Variants in AGAP1 observed in about 807,000 individuals in gnomAD.
AGAP1 encodes arf-GAP with GTPase, ANK repeat and PH domain-containing protein 1.
AGAP1 carries 29 observed loss-of-function variants against 105.3 expected under a neutral mutation model. The observed-to-expected ratio is 0.28, with a 90% CI of 0.21 to 0.38. The LOEUF is 0.38. Ranked by LOEUF, AGAP1 falls within the 10% of genes least tolerant of loss-of-function variation. The pLI, the probability that AGAP1 is intolerant of heterozygous loss-of-function variation, is 1.00. For synonymous variants in AGAP1, 509 were observed against 485.9 expected (o/e 1.05, Z -0.63); for missense variants, 998 against 1,165.1 (o/e 0.86, Z 2.09).
chr2:235,936,364 T>C lies in AGAP1; in HGVS notation c.1483+5441T>C, dbSNP rs934842885. Among the ~76,000 whole-genome samples, 1 of 152,220 alleles carries C rather than the reference T, an allele frequency of 6.6e-6. No individual in the cohort carries two copies. Among genetic ancestry groups the C allele is most frequent in the Non-Finnish European group, 1.5e-5 (1 of 68,038 alleles). On this transcript the variant is annotated intron_variant, in intron 12 of 17. Coordinates refer to ENST00000304032, the MANE Select transcript of AGAP1 (RefSeq NM_001037131.3). The surrounding 1 kb of genome is among the most constrained non-coding windows in gnomAD (Gnocchi z 4.7). ...TCTGGCCACGTAATCATTATATCTT[T>C]CCAGTAGACTCTGTGGTTATAAAGC...
Position 235,724,646 on chromosome 2 carries a change from A to AC in AGAP1, c.310+7004dup, listed in dbSNP as rs1322240562. Reference sequence around the variant, plus strand: ...AAAACAGATAAGGGAGACTGAAGAAACCTGAACATCCAGTGCTCATGAGGA... The same window carrying AC: ...AAAACAGATAAGGGAGACTGAAGAAACCCTGAACATCCAGTGCTCATGAGGA... On this transcript the variant is annotated intron_variant, in intron 3 of 17. Transcript: ENST00000304032. The surrounding 1 kb of genome is among the most constrained non-coding windows in gnomAD (Gnocchi z 4.9). Among the ~76,000 whole-genome samples, 3 of 152,124 alleles carry AC rather than the reference A, an allele frequency of 2.0e-5. No homozygotes were observed. The highest frequency in any genetic ancestry group is 2.9e-5 in the Non-Finnish European group (2 of 68,028).
Position 235,622,658 on chromosome 2 carries a change from G to T in AGAP1, c.164-86521G>T, listed in dbSNP as rs1170828845. 3.3e-5 allele frequency among the ~76,000 whole-genome samples: 5 copies of T among 152,160 alleles called. No individual in the cohort carries two copies. The highest frequency in any genetic ancestry group is 7.3e-5 in the Non-Finnish European group (5 of 68,044). ...GAAATTGGGAGCCCTGGCTGGATCA[G>T]AAGCACATGGTTCAGTGGACACTGT... On this transcript the variant is annotated intron_variant, in intron 1 of 17. Transcript: ENST00000304032. This position sits in a 1 kb window ranked among gnomAD's most constrained non-coding sequence, Gnocchi z 5.0.
chr2:235,586,430 C>A lies in AGAP1; in HGVS notation c.163+91581C>A, dbSNP rs905836216. The stretch of plus-strand genomic sequence containing the variant: ...TGTGACCTCCCCAAATACTCGGACT[C>A]CCCTGTGGAAGGCAAGGTGGAGGCA... On this transcript the variant is annotated intron_variant, in intron 1 of 17. Coordinates refer to ENST00000304032, the MANE Select transcript of AGAP1 (RefSeq NM_001037131.3). The surrounding 1 kb of genome is among the most constrained non-coding windows in gnomAD (Gnocchi z 4.2). Among the ~76,000 whole-genome samples the A allele has an allele frequency of 1.3e-5, 2 of 152,210 alleles. No individual in the cohort carries two copies. The highest frequency in any genetic ancestry group is 1.3e-4 in the Admixed American group (2 of 15,286).
chr2:235,841,561 T>C (rs1960845283), intron 9 of AGAP1, among the ~76,000 whole-genome samples: 1 of 152,042 alleles, frequency 6.6e-6, no homozygotes, highest in African/African-American at 2.4e-5. Flanking sequence ...CCTAGGGAGG[T>C]TGAGGCTGCA....
intron 16 of AGAP1, among the ~76,000 whole-genome samples, chr2:236,086,385 C>A (rs565291334): frequency 6.6e-6 from 1 of 152,250 alleles, no homozygotes; most frequent in Non-Finnish European, 1.5e-5. Flanking sequence ...CCTTACTGCT[C>A]AAGTGTAGTT....
chr2:236,048,626 T>C (rs1224455798), intron 15 of AGAP1, among the ~76,000 whole-genome samples: 1 of 152,236 alleles, frequency 6.6e-6, no homozygotes, highest in Non-Finnish European at 1.5e-5. Flanking sequence ...AATGAAGGAA[T>C]GACCAGAGTC....
intron 11 of AGAP1, among the ~76,000 whole-genome samples, chr2:235,929,179 G>A (rs1158485376): frequency 2.6e-5 from 4 of 152,216 alleles, no homozygotes; most frequent in Admixed American, 6.5e-5. Context: ...TGCCGTGGTG[G>A]AGTTTTGATT....
chr2:235,925,409 G>T (rs1484529864), intron 11 of AGAP1, among the ~76,000 whole-genome samples: 1 of 152,106 alleles, frequency 6.6e-6, no homozygotes, highest in Admixed American at 6.5e-5. Context: ...GCTGTGTGTT[G>T]AGGTGGTCCC....
chr2:235,671,178 C>A (rs1257694059), intron 1 of AGAP1: 6 of 1,101,584 alleles, frequency 5.4e-6, no homozygotes, highest in East Asian at 6.6e-5. Context: ...TCGAGGGATG[C>A]GAACTCGGGT....
rs117480599 is a variant in AGAP1, at chr2:235,755,151, G to A, written c.673+4663G>A. Among the ~76,000 whole-genome samples the A allele has an allele frequency of 4.9e-4, 75 of 152,320 alleles. No individual in the cohort carries two copies. The East Asian group carries it at 0.012, about 24-fold the overall frequency. Reference sequence around the variant, plus strand: ...CTTGGCAGCTGGGGGCTGCAGGTCCGTCTGCAGGGACTGCACAGGGCTCTC... The same window carrying A: ...CTTGGCAGCTGGGGGCTGCAGGTCCATCTGCAGGGACTGCACAGGGCTCTC... On this transcript the variant is annotated intron_variant, in intron 6 of 17. Transcript: ENST00000304032.
intron 1 of AGAP1, among the ~76,000 whole-genome samples, chr2:235,671,346 G>T (rs1948413731): frequency 1.3e-5 from 2 of 152,190 alleles, no homozygotes; most frequent in Non-Finnish European, 2.9e-5. Flanking sequence ...CCTCCTTCGC[G>T]TGCTCGCTGG....
intron 9 of AGAP1, among the ~76,000 whole-genome samples, chr2:235,880,576 CAA>C (rs57466604): frequency 0.045 from 6,373 of 142,342 alleles, 352 homozygotes; most frequent in African/African-American, 0.13. Context: ...ACTAAAAATA[CAA>C]AAAAAAAAAA....
intron 9 of AGAP1, chr2:235,852,746 C>G (rs1015040193): frequency 9.7e-6 from 15 of 1,539,706 alleles, no homozygotes; most frequent in African/African-American, 2.7e-5. Flanking sequence ...TGCTGGAGCC[C>G]GTGCCCGTCA....
chr2:235,833,571 A>C (rs1439885482), intron 9 of AGAP1, among the ~76,000 whole-genome samples: 1 of 149,978 alleles, frequency 6.7e-6, no homozygotes. Context: ...TGCTAATGTC[A>C]CTCTGGATCC....
rs1950902370 is a variant in AGAP1, at chr2:235,712,454, A to C, written c.222+3217A>C. On this transcript the variant is annotated intron_variant, in intron 2 of 17. Transcript: ENST00000304032. The surrounding 1 kb of genome is among the most constrained non-coding windows in gnomAD (Gnocchi z 6.0). ...TGATGCTTCTGTCAGAGGGGAAGGCACATAGGCTCTGGACATCTTGCCTGT... is the reference window on the plus strand; with the variant it reads ...TGATGCTTCTGTCAGAGGGGAAGGCCCATAGGCTCTGGACATCTTGCCTGT... 6.6e-6 allele frequency among the ~76,000 whole-genome samples: 1 copy of C among 152,248 alleles called. No individual in the cohort carries two copies. Among genetic ancestry groups the C allele is most frequent in the Non-Finnish European group, 1.5e-5 (1 of 68,030 alleles).
At chr2:235,520,865 GAAA>G (rs1369947107) in intron 1 of AGAP1, among the ~76,000 whole-genome samples, 3 of 152,116 alleles carry the variant, frequency 2.0e-5, no homozygotes, top group Non-Finnish European at 4.4e-5. Flanking sequence ...GCATTGCGGT[GAAA>G]GCTGTTATGG....
At chr2:236,049,021 G>C in intron 15 of AGAP1, 38 bp from the exon 16 acceptor site, 1 of 1,568,338 alleles carries the variant, frequency 6.4e-7, no homozygotes. Flanking sequence ...ATGCATGATG[G>C]TCTGATTGCG....
Position 235,988,500 on chromosome 2 carries a change from G to A in AGAP1, c.1645+19877G>A, listed in dbSNP as rs1447149237. 6.6e-6 allele frequency among the ~76,000 whole-genome samples: 1 copy of A among 152,022 alleles called. No homozygotes were observed. The highest frequency in any genetic ancestry group is 1.5e-5 in the Non-Finnish European group (1 of 68,010). ...GTCAGGAAGTGATTTCTGAACTTTA[G>A]CGTAAGTGTTCTCTGGCAGGTATGG... On this transcript the variant is annotated intron_variant, in intron 13 of 17. Coordinates refer to ENST00000304032, the MANE Select transcript of AGAP1 (RefSeq NM_001037131.3). The surrounding 1 kb of genome is among the most constrained non-coding windows in gnomAD (Gnocchi z 4.7).
rs1018949011 is a variant in AGAP1 at position 236,000,373 on chromosome 2, C to G, written c.1645+31750C>G. The stretch of plus-strand genomic sequence containing the variant: ...AGTTTTGCTTAAAGTCACACATTTC[C>G]AAGAACCTGTCAATGGCATTGAGGA... On this transcript the variant is annotated intron_variant, in intron 13 of 17. Transcript: ENST00000304032. The surrounding 1 kb of genome is among the most constrained non-coding windows in gnomAD (Gnocchi z 4.3). Among the ~76,000 whole-genome samples, 19 of 152,212 alleles carry G rather than the reference C, an allele frequency of 1.2e-4. No individual in the cohort carries two copies. The highest frequency in any genetic ancestry group is 1.1e-3 in the Admixed American group (17 of 15,282).
Sources: gnomAD v4.1 joint callset for allele counts (sites outside exome capture counted in the v4.1 genomes callset) on GRCh38, gnomAD v4.1.1 for gene constraint, Gnocchi (gnomAD v3.1) non-coding constraint, MANE v1.5 for transcripts, NCBI Gene and HGNC (gene_info 2026-07-23, HGNC 2026-07-21) for gene names.